Variants in PTK2B observed in about 807,000 individuals in gnomAD.
PTK2B encodes the protein protein-tyrosine kinase 2-beta.
Under a neutral mutation model 142.9 loss-of-function variants are expected in PTK2B, and 71 were observed. That is an observed-to-expected ratio of 0.50 (90% CI 0.41 to 0.61). The LOEUF (loss-of-function observed/expected upper bound fraction) is 0.61, where lower values mean the gene tolerates loss of function less well. PTK2B is among the 20% of genes least tolerant of loss of function. PTK2B has a pLI of 0.00. For synonymous variants in PTK2B, 519 were observed against 503.4 expected (o/e 1.03, Z -0.42); for missense variants, 1,105 against 1,320.4 (o/e 0.84, Z 2.53).
chr8:27,437,373 C>T (rs752612659), intron 16 of PTK2B, 23 bp from the exon 17 acceptor site: 1 of 1,599,060 alleles, frequency 6.3e-7, no homozygotes, highest in Non-Finnish European at 8.5e-7. Flanking sequence ...TCCACCTGTC[C>T]CTCTTGCCCC....
At chr8:27,343,153 T>G (rs1377210458) in intron 1 of PTK2B, among the ~76,000 whole-genome samples, 1 of 152,238 alleles carries the variant, frequency 6.6e-6, no homozygotes, top group African/African-American at 2.4e-5. Context: ...ATGCGGGCTT[T>G]GACATCCAAG....
At chr8:27,380,092 C>T (rs1198440705) in intron 1 of PTK2B, among the ~76,000 whole-genome samples, 3 of 152,088 alleles carry the variant, frequency 2.0e-5, no homozygotes, top group Non-Finnish European at 4.4e-5. Flanking sequence ...ATTGTTTGGA[C>T]GACACATTGC....
In PTK2B at chr8:27,432,189, C is replaced by G. The variant is rs910403311; in HGVS notation, c.886-71C>G. The G allele has an allele frequency of 5.7e-6, 8 of 1,414,048 alleles. No individual in the cohort carries two copies. The East Asian group carries it at 1.9e-4, about 34-fold the overall frequency. The allele number at this position is 1,414,048 out of a possible 1,614,324, so 87.6% of individuals were successfully genotyped here. ...CAGTTCCTCCTCACCCCGGCTCCCC[C>G]ATACTGACCAATCTGCATGGCCTAG... On this transcript the variant is annotated intron_variant, in intron 9 of 30. Coordinates refer to ENST00000346049, the MANE Select transcript of PTK2B (RefSeq NM_173176.3).
chr8:27,444,148 G>C (rs1811324364), intron 22 of PTK2B, 58 bp from the exon 23 acceptor site: 4 of 1,509,928 alleles, frequency 2.6e-6, no homozygotes, highest in Non-Finnish European at 3.7e-6. Flanking sequence ...TCCCCTTGGT[G>C]AGTTGTGTTC....
chr8:27,417,974 G>C (rs1323041213), intron 2 of PTK2B, among the ~76,000 whole-genome samples: 1 of 152,154 alleles, frequency 6.6e-6, no homozygotes, highest in East Asian at 1.9e-4. Flanking sequence ...AATGGGTAGA[G>C]AGGATGACAA....
At chr8:27,353,203 G>A (rs951885035) in intron 1 of PTK2B, among the ~76,000 whole-genome samples, 3 of 152,260 alleles carry the variant, frequency 2.0e-5, no homozygotes, top group African/African-American at 2.4e-5. Flanking sequence ...GAAGATTTAC[G>A]GTATAAGTTT....
intron 2 of PTK2B, among the ~76,000 whole-genome samples, chr8:27,398,060 C>T (rs1210268133): frequency 6.6e-6 from 1 of 152,220 alleles, no homozygotes; most frequent in Non-Finnish European, 1.5e-5. Flanking sequence ...TTCATTTCAA[C>T]TTATTAAGTA....
chr8:27,402,862 C>T (rs542224579), intron 2 of PTK2B, among the ~76,000 whole-genome samples: 12 of 152,346 alleles, frequency 7.9e-5, no homozygotes, highest in Admixed American at 3.9e-4. Flanking sequence ...TTCCCACATC[C>T]GTTCTTGCCT....
At chr8:27,385,507 G>C (rs1807292377) in intron 1 of PTK2B, among the ~76,000 whole-genome samples, 1 of 152,168 alleles carries the variant, frequency 6.6e-6, no homozygotes, top group Admixed American at 6.5e-5. Context: ...AGAAATCTAG[G>C]TGAATTTCAG....
At chr8:27,430,683 C>A (rs1367217077) in intron 7 of PTK2B, among the ~76,000 whole-genome samples, 193 bp from the exon 8 acceptor site, 1 of 152,204 alleles carries the variant, frequency 6.6e-6, no homozygotes, top group Non-Finnish European at 1.5e-5. Context: ...CCCTCAACCT[C>A]CTTCGTAGGG....
intron 2 of PTK2B, among the ~76,000 whole-genome samples, chr8:27,401,848 A>G (rs1410409344): frequency 6.6e-6 from 1 of 152,238 alleles, no homozygotes; most frequent in Non-Finnish European, 1.5e-5. Flanking sequence ...AGATGACAGT[A>G]GCTTAAATTA....
chr8:27,424,422 T>G (rs1018573390), intron 5 of PTK2B, among the ~76,000 whole-genome samples: 1 of 152,200 alleles, frequency 6.6e-6, no homozygotes, highest in Non-Finnish European at 1.5e-5. Flanking sequence ...CTATAACCAA[T>G]GCAGGATGAT....
At chr8:27,415,153 C>T (rs1204723209) in intron 2 of PTK2B, among the ~76,000 whole-genome samples, 1 of 152,140 alleles carries the variant, frequency 6.6e-6, no homozygotes, top group Non-Finnish European at 1.5e-5. Context: ...ATTTAATCCT[C>T]ATAAAAGCAT....
At chr8:27,310,936 G>T (rs950522041), upstream of PTK2B, 11 of 1,612,572 alleles carry the variant, frequency 6.8e-6, no homozygotes, top group Non-Finnish European at 9.3e-6. Context: ...GCAGGCGGCA[G>T]ACACGCGAGA....
intron 1 of PTK2B, among the ~76,000 whole-genome samples, chr8:27,372,340 C>A (rs1480111027): frequency 6.6e-6 from 1 of 152,196 alleles, no homozygotes; most frequent in Non-Finnish European, 1.5e-5. Flanking sequence ...GTCCCAAGAT[C>A]TGCAGTCGGC....
intron 13 of PTK2B, among the ~76,000 whole-genome samples, chr8:27,435,176 A>G (rs1007258875): frequency 3.3e-5 from 5 of 152,238 alleles, no homozygotes; most frequent in Non-Finnish European, 7.3e-5. Context: ...CTGAGTCTGC[A>G]TCTGGTGAGG....
At chr8:27,443,077 C>G (rs1462866858) in intron 22 of PTK2B, 94 bp downstream of exon 22, 3 of 734,296 alleles carry the variant, frequency 4.1e-6, no homozygotes, top group East Asian at 5.4e-5. Flanking sequence ...GGCAGGATGC[C>G]CCCTACAGCC....
intron 10 of PTK2B, among the ~76,000 whole-genome samples, chr8:27,432,803 C>T (rs1048979575): frequency 1.3e-5 from 2 of 151,980 alleles, no homozygotes; most frequent in African/African-American, 4.8e-5. Flanking sequence ...GTGCCCTGCC[C>T]CATTGCCTCC....
At chr8:27,333,801 C>T (rs1188642145) in intron 1 of PTK2B, among the ~76,000 whole-genome samples, 1 of 152,158 alleles carries the variant, frequency 6.6e-6, no homozygotes, top group Non-Finnish European at 1.5e-5. Context: ...CCACAGGCCC[C>T]TTCTCCATCA....
Sources: allele counts gnomAD v4.1 joint callset (sites outside exome capture counted in the v4.1 genomes callset), GRCh38; gene constraint gnomAD v4.1.1; transcripts MANE v1.5; gene names NCBI Gene and HGNC (gene_info 2026-07-23, HGNC 2026-07-21).